CACNB2: variants seen among roughly 807,000 people sequenced by gnomAD.
The protein encoded by CACNB2 is voltage-dependent L-type calcium channel subunit beta-2.
In CACNB2, 42 loss-of-function variants were observed where a neutral mutation model predicts 73.3. That is an observed-to-expected ratio of 0.57 (90% CI 0.45 to 0.74). The LOEUF (loss-of-function observed/expected upper bound fraction) is 0.74, where lower values mean the gene tolerates loss of function less well. Among genes scored for constraint, CACNB2 ranks in the 30% least tolerant of loss-of-function variants. The probability of loss-of-function intolerance (pLI) is 0.00; values close to 1 mark genes in which losing one functional copy is unlikely to be tolerated. For missense variants in CACNB2, 940 were observed against 853.0 expected, an observed-to-expected ratio of 1.10 and a Z score of -1.27; for synonymous variants, 348 against 310.3, an observed-to-expected ratio of 1.12 and a Z score of -1.28.
At position 18,536,151 on chromosome 10, in the gene CACNB2, C is replaced by T. The variant is rs780714212; in HGVS notation, c.1257C>T (p.Leu419=). 3 of 1,605,362 alleles carry T rather than the reference C, an allele frequency of 1.9e-6. No homozygotes were observed. Among genetic ancestry groups the T allele is most frequent in the African/African-American group, 1.4e-5 (1 of 74,044 alleles). The change falls in exon 12 of 14, where the codon CTC becomes CTT. Residue 419 remains leucine (L), a synonymous_variant. Coordinates refer to ENST00000324631, the MANE Select transcript of CACNB2 (RefSeq NM_201596.3). Reference sequence around the variant, plus strand: ...GAGGGAAATCTCAAGCTAAACACCTCAACGTCCAGATGGTAGCAGCTGATA... The same window carrying T: ...GAGGGAAATCTCAAGCTAAACACCTTAACGTCCAGATGGTAGCAGCTGATA... The part of the protein sequence containing the change: ...KSRGKSQAKH[L]NVQMVAADKL...
intron 2 of CACNB2, among the ~76,000 whole-genome samples, chr10:18,330,621 A>G (rs184709102): frequency 9.2e-5 from 14 of 152,258 alleles, no homozygotes; most frequent in Admixed American, 6.5e-4. Flanking sequence ...TCCCTGGGTG[A>G]CAGAGCAAGA....
At chr10:18,489,726 A>G (rs868210416) in intron 3 of CACNB2, among the ~76,000 whole-genome samples, 2 of 152,226 alleles carry the variant, frequency 1.3e-5, no homozygotes, top group East Asian at 1.9e-4. Context: ...ATCATTTTAC[A>G]GTAAGTCCTG....
intron 3 of CACNB2, among the ~76,000 whole-genome samples, chr10:18,450,327 A>G (rs2046954039): frequency 6.6e-6 from 1 of 152,188 alleles, no homozygotes; most frequent in South Asian, 2.1e-4. Context: ...CTTTAGCAAA[A>G]GTAGTTTCCT....
At chr10:18,394,186 T>C (rs2043609992) in intron 2 of CACNB2, among the ~76,000 whole-genome samples, 1 of 152,062 alleles carries the variant, frequency 6.6e-6, no homozygotes, top group Admixed American at 6.6e-5. Flanking sequence ...CTCGAATTCC[T>C]GACCTGGTGA....
chr10:18,233,534 A>G (rs1395442748), intron 2 of CACNB2, among the ~76,000 whole-genome samples: 1 of 152,126 alleles, frequency 6.6e-6, no homozygotes, highest in Non-Finnish European at 1.5e-5. Flanking sequence ...TTTTTTAAAA[A>G]CTAGGTACTG....
intron 2 of CACNB2, among the ~76,000 whole-genome samples, chr10:18,357,105 C>T (rs898586859): frequency 2.7e-5 from 4 of 150,118 alleles, no homozygotes; most frequent in East Asian, 3.9e-4. Flanking sequence ...CCACCATGCC[C>T]GGCTAATTTT....
chr10:18,241,601 A>G (rs1343529283), intron 2 of CACNB2, among the ~76,000 whole-genome samples: 1 of 152,174 alleles, frequency 6.6e-6, no homozygotes, highest in Non-Finnish European at 1.5e-5. Flanking sequence ...AAAGATACAT[A>G]CAGGTGACCT....
intron 3 of CACNB2, among the ~76,000 whole-genome samples, chr10:18,469,439 A>C (rs1256121919): frequency 1.3e-5 from 2 of 152,102 alleles, no homozygotes; most frequent in Non-Finnish European, 1.5e-5. Flanking sequence ...TGATGTATTT[A>C]ATATGTTGTT....
chr10:18,261,016 A>C, intron 2 of CACNB2: 1 of 1,394,056 alleles, frequency 7.2e-7, no homozygotes, highest in African/African-American at 1.5e-5. Context: ...CAAATAGGAA[A>C]CCCCCTTGAA....
chr10:18,242,263 A>T (rs1361850553), intron 2 of CACNB2, among the ~76,000 whole-genome samples: 1 of 152,134 alleles, frequency 6.6e-6, no homozygotes, highest in Admixed American at 6.5e-5. Context: ...AACAAACAAT[A>T]TAAAAATTGC....
intron 2 of CACNB2, among the ~76,000 whole-genome samples, chr10:18,341,251 G>A (rs1376047153): frequency 6.6e-6 from 1 of 152,122 alleles, no homozygotes; most frequent in Non-Finnish European, 1.5e-5. Flanking sequence ...CAAATTTAGT[G>A]GAAAATGAAA....
At chr10:18,470,699 T>A (rs1167871767) in intron 3 of CACNB2, among the ~76,000 whole-genome samples, 1 of 152,072 alleles carries the variant, frequency 6.6e-6, no homozygotes, top group Admixed American at 6.6e-5. Flanking sequence ...CCCCTTTAAA[T>A]TGATTTTTCA....
chr10:18,438,881 T>C (rs1161228676), intron 3 of CACNB2, among the ~76,000 whole-genome samples: 1 of 152,222 alleles, frequency 6.6e-6, no homozygotes, highest in Non-Finnish European at 1.5e-5. Flanking sequence ...CCCATGTGAG[T>C]GTGCTATAAA....
intron 2 of CACNB2, among the ~76,000 whole-genome samples, chr10:18,332,004 G>A (rs2040825623): frequency 6.6e-6 from 1 of 152,112 alleles, no homozygotes; most frequent in African/African-American, 2.4e-5. Flanking sequence ...TCAGTCCGAG[G>A]ACAGCAGGAC....
chr10:18,495,338 G>C (rs2049727291), intron 3 of CACNB2, among the ~76,000 whole-genome samples: 1 of 151,430 alleles, frequency 6.6e-6, no homozygotes, highest in Non-Finnish European at 1.5e-5. Flanking sequence ...TCCTGTCTCA[G>C]CCTCCTGAGT....
At chr10:18,366,794 A>T (rs1362489041) in intron 2 of CACNB2, among the ~76,000 whole-genome samples, 1 of 152,062 alleles carries the variant, frequency 6.6e-6, no homozygotes, top group Non-Finnish European at 1.5e-5. Flanking sequence ...TCCGTCTCAA[A>T]AAAAAAAAGC....
chr10:18,531,250 CT>C (rs1389577353), intron 10 of CACNB2, among the ~76,000 whole-genome samples: 1 of 152,124 alleles, frequency 6.6e-6, no homozygotes, highest in Non-Finnish European at 1.5e-5. Context: ...AAGTTAACTT[CT>C]GTTTTTTGTT....
intron 2 of CACNB2, among the ~76,000 whole-genome samples, chr10:18,287,145 A>T (rs1418188040): frequency 6.6e-6 from 1 of 152,000 alleles, no homozygotes; most frequent in African/African-American, 2.4e-5. Context: ...CCTAGCCAAC[A>T]TAGTGAAACC....
chr10:18,403,065 G>T (rs915226839), intron 3 of CACNB2, among the ~76,000 whole-genome samples: 3 of 152,170 alleles, frequency 2.0e-5, no homozygotes, highest in African/African-American at 7.2e-5. Context: ...CTGAGGAACT[G>T]CCAGGAGACC....
Sources: gnomAD v4.1 joint callset for allele counts (sites outside exome capture counted in the v4.1 genomes callset) on GRCh38, gnomAD v4.1.1 for gene constraint, MANE v1.5 for transcripts, NCBI Gene and HGNC (gene_info 2026-07-23, HGNC 2026-07-21) for gene names.